The following FBXO15 variants were observed in gnomAD, a reference collection of about 807,000 sequenced individuals.
FBXO15 encodes F-box protein 15.
Under a neutral mutation model 49.5 loss-of-function variants are expected in FBXO15, and 30 were observed. The observed-to-expected ratio is 0.61, with a 90% CI of 0.45 to 0.82. The LOEUF is 0.82. Ranked by LOEUF, FBXO15 falls within the 40% of genes least tolerant of loss-of-function variation. FBXO15 has a pLI of 0.00. For missense variants in FBXO15, 591 were observed against 631.5 expected (o/e 0.94, Z 0.69); for synonymous variants, 250 against 232.7 (o/e 1.07, Z -0.68).
At chr18:74,103,345 A>T (rs924124207) in intron 8 of FBXO15, among the ~76,000 whole-genome samples, 1 of 151,708 alleles carries the variant, frequency 6.6e-6, no homozygotes, top group South Asian at 2.1e-4. Flanking sequence ...AAAAAGAATG[A>T]AAAGGAATGA....
In FBXO15 at chr18:74,130,431, G is replaced by T; in HGVS notation, c.560C>A (p.Thr187Asn). Residue 187 changes from threonine to asparagine, a missense_variant, in exon 4 of 10, where the codon ACC becomes AAC. Thr to Asn is a moderately conservative substitution (Grantham distance 65). Transcript: ENST00000419743. ...VNPYTGLPVKTKEALRIFGLG... is the reference protein window; with the variant it reads ...VNPYTGLPVKNKEALRIFGLG... ...CACTGCGTACCTGAGGGCCTCTTTG[G>T]TCTTAACTGGAAGGCCTGTGTAAGG... 6.2e-7 allele frequency: 1 copy of T among 1,614,162 alleles called. No homozygotes were observed. The highest frequency in any genetic ancestry group is 1.7e-5 in the Admixed American group (1 of 60,028).
intron 2 of FBXO15, among the ~76,000 whole-genome samples, chr18:74,136,224 C>CA (rs1200865770): frequency 1.3e-5 from 2 of 152,164 alleles, no homozygotes; most frequent in Non-Finnish European, 2.9e-5. Flanking sequence ...CTCTGTTACT[C>CA]AGGCTAGAAT....
chr18:74,118,141 G>T (rs1914312870), intron 8 of FBXO15, among the ~76,000 whole-genome samples: 1 of 151,808 alleles, frequency 6.6e-6, no homozygotes, highest in Non-Finnish European at 1.5e-5. Context: ...GAGACTACAG[G>T]TGCATGTAAT....
chr18:74,099,024 C>T (rs1913400286), intron 8 of FBXO15: 1 of 152,256 alleles, frequency 6.6e-6, no homozygotes, highest in African/African-American at 2.4e-5. Context: ...ATTCAGGAGG[C>T]TGAGGCAGGA....
rs1978339031 is a variant in FBXO15, at chr18:74,130,670, AGAG to A, written c.333-15_333-13del. On this transcript the variant is annotated splice_polypyrimidine_tract_variant and intron_variant, in intron 3 of 9. Coordinates refer to ENST00000419743, the MANE Select transcript of FBXO15 (RefSeq NM_001142958.2). The stretch of plus-strand genomic sequence containing the variant: ...CGATCCAAATAAAACTGGAGGGAAA[AGAG>A]GAAATATGTTAACTAAGAGACACTG... 1 of 1,607,532 alleles carries A rather than the reference AGAG, an allele frequency of 6.2e-7. No homozygotes were observed. Among genetic ancestry groups the A allele is most frequent in the African/African-American group, 1.3e-5 (1 of 74,564 alleles).
Position 74,147,730 on chromosome 18 carries a change from A to T in FBXO15, c.56T>A (p.Leu19Gln). The T allele has an allele frequency of 6.5e-7, 1 of 1,535,858 alleles. No homozygotes were observed. Among genetic ancestry groups the T allele is most frequent in the Non-Finnish European group, 8.7e-7 (1 of 1,143,122 alleles). Residue 19 changes from leucine (L) to glutamine (Q), a missense_variant, in exon 1 of 10, where the codon CTG becomes CAG. By Grantham distance (113) the Leu-to-Gln change is moderately radical. Transcript: ENST00000419743. ...LQQHWLGLQTLRGPSRGGGAA... is the reference protein window; with the variant it reads ...LQQHWLGLQTQRGPSRGGGAA... ...GCCACCGCCCCTGCTGGGCCCGCGC[A>T]GCGTCTGGAGGCCGAGCCAGTGCTG...
At chr18:74,118,854 G>A (rs987194686) in intron 8 of FBXO15, among the ~76,000 whole-genome samples, 2 of 152,184 alleles carry the variant, frequency 1.3e-5, no homozygotes, top group African/African-American at 2.4e-5. Context: ...TCTGCCAGAC[G>A]TTGAATTTGT....
chr18:74,096,172 C>T (rs1452456948), intron 8 of FBXO15, among the ~76,000 whole-genome samples: 1 of 152,064 alleles, frequency 6.6e-6, no homozygotes, highest in Non-Finnish European at 1.5e-5. Flanking sequence ...ACTGAGCGTG[C>T]CTGAGAGAGA....
At chr18:74,103,364 T>C (rs62097005) in intron 8 of FBXO15, among the ~76,000 whole-genome samples, 13,290 of 151,580 alleles carry the variant, frequency 0.088, 818 homozygotes, top group Admixed American at 0.2. Flanking sequence ...GAAGACTGCC[T>C]ACAAGATATA....
At position 74,074,448 on chromosome 18, in the gene FBXO15, G is replaced by T. The variant is rs751450162; in HGVS notation, c.1264-718C>A. Among the ~76,000 whole-genome samples, 1 of 152,068 alleles carries T rather than the reference G, an allele frequency of 6.6e-6. No individual in the cohort carries two copies. Among genetic ancestry groups the T allele is most frequent in the Non-Finnish European group, 1.5e-5 (1 of 68,018 alleles). On this transcript the variant is annotated intron_variant, in intron 9 of 9. Coordinates refer to ENST00000419743, the MANE Select transcript of FBXO15 (RefSeq NM_001142958.2). This position sits in a 1 kb window ranked among gnomAD's most constrained non-coding sequence, Gnocchi z 4.7. ...TGGTCAACTCCATGACCTCCTCCTC[G>T]ACTTGACCTCAGTTATTCACTCCCA...
intron 9 of FBXO15, among the ~76,000 whole-genome samples, chr18:74,077,641 TG>T (rs1912308396): frequency 6.6e-6 from 1 of 151,754 alleles, no homozygotes; most frequent in South Asian, 2.1e-4. Context: ...GGGGAGCAGG[TG>T]GGGAATAAGA....
chr18:74,096,109 C>A (rs528844491), intron 8 of FBXO15, among the ~76,000 whole-genome samples: 1 of 152,288 alleles, frequency 6.6e-6, no homozygotes, highest in South Asian at 2.1e-4. Context: ...AGCTTCCCCA[C>A]CATCTTGGGT....
chr18:74,104,271 T>A lies in FBXO15; in HGVS notation c.1138+19097A>T, dbSNP rs565367647. On this transcript the variant is annotated intron_variant, in intron 8 of 9. Transcript: ENST00000419743. ...TTTTATAAGCCTCATGGTACAAGAATGAAAAAACCTATTAATAGATTAACT... is the reference window on the plus strand; with the variant it reads ...TTTTATAAGCCTCATGGTACAAGAAAGAAAAAACCTATTAATAGATTAACT... Among the ~76,000 whole-genome samples, 3 of 151,942 alleles carry A rather than the reference T, an allele frequency of 2.0e-5. No homozygotes were observed. In the South Asian group the frequency reaches 6.2e-4, roughly 32 times the overall value.
intron 3 of FBXO15, among the ~76,000 whole-genome samples, chr18:74,131,462 A>C (rs1316855470): frequency 6.6e-6 from 1 of 152,208 alleles, no homozygotes; most frequent in Non-Finnish European, 1.5e-5. Context: ...ATCACAAAGA[A>C]ATGGGTCAAA....
intron 8 of FBXO15, among the ~76,000 whole-genome samples, chr18:74,091,308 C>T (rs1913016970): frequency 1.3e-5 from 2 of 152,046 alleles, no homozygotes; most frequent in Admixed American, 1.3e-4. Flanking sequence ...GATGGGTGTC[C>T]CGAAGACAGC....
chr18:74,134,332 C>T (rs965141223), intron 3 of FBXO15, among the ~76,000 whole-genome samples: 1 of 150,148 alleles, frequency 6.7e-6, no homozygotes, highest in African/African-American at 2.5e-5. Context: ...TTAGTTATTT[C>T]GGAACTTGAC....
intron 5 of FBXO15, among the ~76,000 whole-genome samples, chr18:74,127,349 C>G (rs928556767): frequency 6.6e-6 from 1 of 152,208 alleles, no homozygotes. Context: ...TGACGTTTCC[C>G]CAGCAGTTCT....
At chr18:74,116,631 C>T (rs1914243510) in intron 8 of FBXO15, among the ~76,000 whole-genome samples, 1 of 152,162 alleles carries the variant, frequency 6.6e-6, no homozygotes, top group South Asian at 2.1e-4. Context: ...GTCACTTCAT[C>T]CCCACCCCAG....
intron 8 of FBXO15, among the ~76,000 whole-genome samples, chr18:74,089,365 A>G (rs57932862): frequency 0.039 from 5,998 of 152,284 alleles, 388 homozygotes; most frequent in African/African-American, 0.13. Context: ...TTTTAGGCAT[A>G]TAATCATCTT....
Sources: gnomAD v4.1 joint callset for allele counts (sites outside exome capture counted in the v4.1 genomes callset) on GRCh38, gnomAD v4.1.1 for gene constraint, Gnocchi (gnomAD v3.1) non-coding constraint, MANE v1.5 for transcripts, NCBI Gene and HGNC (gene_info 2026-07-23, HGNC 2026-07-21) for gene names.